TRANK1: variants seen among roughly 807,000 people sequenced by gnomAD.
The protein encoded by TRANK1 is TPR and ankyrin repeat-containing protein 1.
TRANK1 carries 198 observed loss-of-function variants against 266.0 expected under a neutral mutation model. The observed-to-expected ratio is 0.74, with a 90% CI of 0.66 to 0.84. The LOEUF (loss-of-function observed/expected upper bound fraction) is 0.84, where lower values mean the gene tolerates loss of function less well. Among genes scored for constraint, TRANK1 ranks in the 40% least tolerant of loss-of-function variants. The pLI, the probability that TRANK1 is intolerant of heterozygous loss-of-function variation, is 0.00. For synonymous variants in TRANK1, 1,396 were observed against 1,384.1 expected (o/e 1.01, Z -0.19); for missense variants, 3,326 against 3,634.6 (o/e 0.92, Z 2.18).
chr3:36,858,876 TGAAGACCATCA>T lies in TRANK1; in HGVS notation c.1503_1513del (p.Asp502GlyfsTer14). ...GACAACTGGCCTCTCCTGGCTCTCC[TGAAGACCATCA>T]GGCAAGGCTGGGAGAGGAGAGAAGG... On this transcript the variant is annotated frameshift_variant, in exon 12 of 24. Transcript: ENST00000645898. LOFTEE classifies it high-confidence loss of function. The T allele has an allele frequency of 6.5e-7, 1 of 1,536,342 alleles. No homozygotes were observed.
chr3:36,903,312 A>G, intron 2 of TRANK1, 37 bp from the exon 3 acceptor site: 1 of 1,527,368 alleles, frequency 6.5e-7, no homozygotes, highest in Non-Finnish European at 8.8e-7. Flanking sequence ...ATGGTTCTGC[A>G]AATACAGAAA....
intron 2 of TRANK1, among the ~76,000 whole-genome samples, chr3:36,905,897 C>T (rs1172050304): frequency 6.6e-6 from 1 of 152,192 alleles, no homozygotes; most frequent in Admixed American, 6.5e-5. Flanking sequence ...TGTTAGCTAG[C>T]TGTGGCAGGA....
Position 36,857,685 on chromosome 3 carries a change from G to C in TRANK1, c.2037C>G (p.Leu679=), listed in dbSNP as rs779695041. The C allele has an allele frequency of 2.6e-5, 42 of 1,614,024 alleles. No homozygotes were observed. In the South Asian group the frequency reaches 4.2e-4, roughly 16 times the overall value. Residue 679 remains leucine, a synonymous_variant, in exon 13 of 24, where the codon CTC becomes CTG. Transcript: ENST00000645898. This position sits in a 1 kb window ranked among gnomAD's most constrained non-coding sequence, Gnocchi z 4.3. ...KSTAPGHTSQ[L]KSQGSFKSVP... Reference sequence around the variant, plus strand: ...CTGACTTGAATGAACCCTGGGACTTGAGCTGAGATGTGTGACCAGGGGCAG... The same window carrying C: ...CTGACTTGAATGAACCCTGGGACTTCAGCTGAGATGTGTGACCAGGGGCAG...
chr3:36,917,231 A>C (rs2080138892), intron 1 of TRANK1, among the ~76,000 whole-genome samples: 2 of 152,238 alleles, frequency 1.3e-5, no homozygotes, highest in African/African-American at 4.8e-5. Flanking sequence ...CTAATGGGGC[A>C]AAGTATATGC....
chr3:36,933,988 G>A (rs979224956), intron 1 of TRANK1, among the ~76,000 whole-genome samples: 1 of 152,192 alleles, frequency 6.6e-6, no homozygotes, highest in African/African-American at 2.4e-5. Context: ...AGGAAACAGG[G>A]CACTTGCTCA....
intron 15 of TRANK1, among the ~76,000 whole-genome samples, chr3:36,849,254 A>G (rs1337716922): frequency 6.6e-6 from 1 of 152,200 alleles, no homozygotes; most frequent in Non-Finnish European, 1.5e-5. Context: ...AGGAGGTCCC[A>G]CTGGGGCAAG....
Position 36,874,183 on chromosome 3 carries a change from T to C in TRANK1, c.1021A>G (p.Ile341Val), listed in dbSNP as rs2079351956. The change falls in exon 9 of 24, where the codon ATC becomes GTC. Residue 341 changes from isoleucine (I) to valine (V), a missense_variant. Physicochemically the swap from Ile to Val is conservative, Grantham distance 29 (BLOSUM62 3). Coordinates refer to ENST00000645898, the MANE Select transcript of TRANK1 (RefSeq NM_001329998.2). ...VLKRNKNFKAIEKINSHLEKL... is the reference protein window; with the variant it reads ...VLKRNKNFKAVEKINSHLEKL... ...TCTAAGTGACTGTTGATTTTCTCGA[T>C]GGCTTTGAAGTTCTTATTCCTCTTC... is the stretch of plus-strand genomic sequence containing the variant. 3 of 1,537,508 alleles carry C rather than the reference T, an allele frequency of 2.0e-6. No homozygotes were observed. The highest frequency in any genetic ancestry group is 1.4e-5 in the African/African-American group (1 of 73,142).
intron 1 of TRANK1, among the ~76,000 whole-genome samples, chr3:36,932,770 G>A (rs1559480754): frequency 6.6e-6 from 1 of 152,150 alleles, no homozygotes; most frequent in Non-Finnish European, 1.5e-5. Flanking sequence ...AGTGATCTTT[G>A]GGGAGCAGAT....
At chr3:36,903,787 A>G (rs2079919990) in intron 2 of TRANK1, among the ~76,000 whole-genome samples, 1 of 152,254 alleles carries the variant, frequency 6.6e-6, no homozygotes. Flanking sequence ...AAAGCGCAGC[A>G]GGGCAGGGAT....
chr3:36,913,513 T>C (rs181343389), intron 1 of TRANK1, among the ~76,000 whole-genome samples: 1 of 152,142 alleles, frequency 6.6e-6, no homozygotes, highest in East Asian at 1.9e-4. Flanking sequence ...CTCTCCTCTC[T>C]TTCTTTCTCT....
At chr3:36,882,505 T>C (rs2125591707) in intron 8 of TRANK1, among the ~76,000 whole-genome samples, 1 of 152,290 alleles carries the variant, frequency 6.6e-6, no homozygotes, top group African/African-American at 2.4e-5. Flanking sequence ...TAAACTACAA[T>C]GGACCAAGAA....
upstream of TRANK1, among the ~76,000 whole-genome samples, chr3:36,945,573 A>G (rs2080561877): frequency 6.6e-6 from 1 of 152,144 alleles, no homozygotes; most frequent in Non-Finnish European, 1.5e-5. Flanking sequence ...GTAAGTGCGC[A>G]CAGGCCTGAG....
At chr3:36,910,480 C>T (rs1222124450) in intron 1 of TRANK1, among the ~76,000 whole-genome samples, 2 of 152,218 alleles carry the variant, frequency 1.3e-5, no homozygotes, top group Non-Finnish European at 2.9e-5. Flanking sequence ...TGGCTCACAC[C>T]TGTAATCCCA....
In TRANK1 at chr3:36,831,628, G is replaced by A. The variant is rs909426644; in HGVS notation, c.7955C>T (p.Pro2652Leu). Residue 2652 changes from proline (P) to leucine (L), a missense_variant, in exon 22 of 24, where the codon CCT (proline) becomes CTT (leucine). Pro to Leu is a moderately conservative substitution (Grantham distance 98). Transcript: ENST00000645898. This position sits in a 1 kb window ranked among gnomAD's most constrained non-coding sequence, Gnocchi z 5.0. Reference protein sequence around the residue: ...YLMDCDWRWDPVHTKGSIVRG... With the variant: ...YLMDCDWRWDLVHTKGSIVRG... ...GACTATGGACCCTTTGGTGTGCACA[G>A]GGTCCCACCGCCAGTCACAGTCCAT... 9 of 1,613,898 alleles carry A rather than the reference G, an allele frequency of 5.6e-6. No homozygotes were observed. Among genetic ancestry groups the A allele is most frequent in the Non-Finnish European group, 6.8e-6 (8 of 1,179,840 alleles).
chr3:36,905,107 T>C (rs987571609), intron 2 of TRANK1, among the ~76,000 whole-genome samples: 2 of 151,514 alleles, frequency 1.3e-5, no homozygotes, highest in African/African-American at 4.9e-5. Context: ...GCTAACACGG[T>C]GAAACCCCAT....
At chr3:36,850,400 T>G in intron 15 of TRANK1, 1 of 985,408 alleles carries the variant, frequency 1.0e-6, no homozygotes, top group Non-Finnish European at 1.2e-6. Context: ...GATTTAGAAC[T>G]CAAAGCATCT....
At chr3:36,834,575 A>G (rs2078741765) in intron 21 of TRANK1, 187 bp downstream of exon 21, 1 of 580,932 alleles carries the variant, frequency 1.7e-6, no homozygotes, top group South Asian at 2.7e-5. Flanking sequence ...GCTTATAAAG[A>G]GACTGGAAAA....
chr3:36,926,450 A>C (rs994261141), intron 1 of TRANK1, among the ~76,000 whole-genome samples: 1 of 152,160 alleles, frequency 6.6e-6, no homozygotes, highest in Non-Finnish European at 1.5e-5. Context: ...TTACATGCAC[A>C]CCAAAAACAC....
intron 8 of TRANK1, among the ~76,000 whole-genome samples, chr3:36,879,000 TTGTC>T (rs2079432782): frequency 6.6e-6 from 1 of 152,072 alleles, no homozygotes; most frequent in South Asian, 2.1e-4. Flanking sequence ...TCAATTTAAA[TTGTC>T]TGATTAATTA....
Sources: allele counts gnomAD v4.1 joint callset (sites outside exome capture counted in the v4.1 genomes callset), GRCh38; gene constraint gnomAD v4.1.1; non-coding constraint Gnocchi (gnomAD v3.1); transcripts MANE v1.5; gene names NCBI Gene and HGNC (gene_info 2026-07-23, HGNC 2026-07-21).